PAK5: variants seen among roughly 807,000 people sequenced by gnomAD.
PAK5 encodes p21 (RAC1) activated kinase 5.
A neutral mutation model predicts 65.9 loss-of-function variants in PAK5; 16 were observed. That is an observed-to-expected ratio of 0.24 (90% CI 0.16 to 0.37). The LOEUF (loss-of-function observed/expected upper bound fraction) is 0.37, where lower values mean the gene tolerates loss of function less well. Among genes scored for constraint, PAK5 ranks in the 10% least tolerant of loss-of-function variants. The pLI is 1.00. For missense variants in PAK5, 785 were observed against 903.9 expected (o/e 0.87, Z 1.69); for synonymous variants, 371 against 354.9 (o/e 1.05, Z -0.51).
chr20:9,808,760 G>A (rs1278189222), intron 1 of PAK5, among the ~76,000 whole-genome samples: 1 of 152,134 alleles, frequency 6.6e-6, no homozygotes, highest in Non-Finnish European at 1.5e-5. Flanking sequence ...GCTTTCTAGT[G>A]GTGACTGAGT....
intron 2 of PAK5, among the ~76,000 whole-genome samples, chr20:9,702,014 G>T (rs911423792): frequency 6.6e-6 from 1 of 151,996 alleles, no homozygotes; most frequent in Non-Finnish European, 1.5e-5. Context: ...AATTTAAAAA[G>T]AAGTAATAAG....
At position 9,702,634 on chromosome 20, in the gene PAK5, G is replaced by A. The variant is rs921074074; in HGVS notation, c.-12+8652C>T. Among the ~76,000 whole-genome samples the A allele has an allele frequency of 5.3e-5, 8 of 152,258 alleles. No individual in the cohort carries two copies. In the South Asian group the frequency reaches 1.0e-3, roughly 20 times the overall value. On this transcript the variant is annotated intron_variant, in intron 2 of 9. Coordinates refer to ENST00000353224, the MANE Select transcript of PAK5 (RefSeq NM_177990.4). ...TATAAAGGGCCCGTGATATTCCATG[G>A]TTTATAACCCTTCAGTTGTTCTCCC...
intron 2 of PAK5, among the ~76,000 whole-genome samples, chr20:9,668,306 G>A (rs2047447401): frequency 6.6e-6 from 1 of 152,102 alleles, no homozygotes; most frequent in Non-Finnish European, 1.5e-5. Flanking sequence ...AGGAAATTTT[G>A]AGCCTAATGG....
chr20:9,814,004 G>T (rs1251342308), intron 1 of PAK5, among the ~76,000 whole-genome samples: 1 of 152,138 alleles, frequency 6.6e-6, no homozygotes, highest in Non-Finnish European at 1.5e-5. Flanking sequence ...TAGGATGAAT[G>T]TCAGAAACAC....
intron 1 of PAK5, among the ~76,000 whole-genome samples, chr20:9,752,675 A>G (rs562107266): frequency 6.6e-6 from 1 of 152,274 alleles, no homozygotes; most frequent in East Asian, 1.9e-4. Flanking sequence ...AGGAAATTGA[A>G]TGATAAAATA....
In PAK5 at chr20:9,645,378, C is replaced by G. The variant is rs138507937; in HGVS notation, c.-11-1039G>C. Among the ~76,000 whole-genome samples, 579 of 152,336 alleles carry G rather than the reference C, an allele frequency of 3.8e-3. 9 individuals carry two copies. Among genetic ancestry groups the G allele is most frequent in the African/African-American group, 0.013 (558 of 41,586 alleles). ...AAGGTAACCTGGGTTTGCATCCCAG[C>G]TAGGTCACCTATTCACTGTGATCCC... On this transcript the variant is annotated intron_variant, in intron 2 of 9. Coordinates refer to ENST00000353224, the MANE Select transcript of PAK5 (RefSeq NM_177990.4).
intron 3 of PAK5, among the ~76,000 whole-genome samples, chr20:9,618,939 T>TTC (rs2046720294): frequency 7.9e-6 from 1 of 126,044 alleles, no homozygotes; most frequent in Admixed American, 8.1e-5. Context: ...TTTTTTTTTT[T>TTC]TTTTTTTTTT....
intron 7 of PAK5, among the ~76,000 whole-genome samples, chr20:9,552,226 C>G (rs2045439313): frequency 6.6e-6 from 1 of 152,198 alleles, no homozygotes; most frequent in South Asian, 2.1e-4. Flanking sequence ...TGTCTCTTTT[C>G]CATAAACTTA....
chr20:9,697,456 T>C (rs1011924246), intron 2 of PAK5, among the ~76,000 whole-genome samples: 1 of 152,120 alleles, frequency 6.6e-6, no homozygotes, highest in African/African-American at 2.4e-5. Flanking sequence ...ACCAGTCTTC[T>C]AGACCCAGTT....
intron 5 of PAK5, 72 bp from the exon 6 acceptor site, chr20:9,563,096 A>G: frequency 7.4e-7 from 1 of 1,357,266 alleles, no homozygotes. Context: ...GGCCACAACT[A>G]CAATTGTAAG....
chr20:9,711,716 T>C (rs2044912413), intron 1 of PAK5, among the ~76,000 whole-genome samples: 1 of 152,180 alleles, frequency 6.6e-6, no homozygotes, highest in South Asian at 2.1e-4. Flanking sequence ...CTCCAATAGA[T>C]GGTGAACCTT....
intron 1 of PAK5, among the ~76,000 whole-genome samples, chr20:9,769,599 A>G (rs1413394168): frequency 2.6e-5 from 4 of 152,240 alleles, no homozygotes; most frequent in Admixed American, 6.5e-5. Flanking sequence ...CAAACTAAAG[A>G]GATTTAAAAG....
chr20:9,760,234 A>G (rs1474689673), intron 1 of PAK5, among the ~76,000 whole-genome samples: 3 of 152,194 alleles, frequency 2.0e-5, no homozygotes, highest in East Asian at 1.9e-4. Flanking sequence ...AGAAACTTAA[A>G]AAGCTCATTC....
At chr20:9,746,070 T>A (rs1392833451) in intron 1 of PAK5, among the ~76,000 whole-genome samples, 2 of 152,134 alleles carry the variant, frequency 1.3e-5, no homozygotes, top group Non-Finnish European at 2.9e-5. Context: ...TCATCTCCCA[T>A]ACAGAGAATA....
chr20:9,540,905 T>G (rs975406598), intron 9 of PAK5, among the ~76,000 whole-genome samples: 15 of 152,146 alleles, frequency 9.9e-5, no homozygotes, highest in African/African-American at 3.6e-4. Context: ...CTTGGCTAAT[T>G]TTTTGTATTT....
intron 1 of PAK5, among the ~76,000 whole-genome samples, chr20:9,764,545 C>T (rs1053878058): frequency 6.6e-6 from 1 of 152,118 alleles, no homozygotes; most frequent in Non-Finnish European, 1.5e-5. Context: ...GTGGTTTTAG[C>T]GTCTGTTGAT....
chr20:9,670,647 G>A (rs2047483691), intron 2 of PAK5, among the ~76,000 whole-genome samples: 1 of 152,100 alleles, frequency 6.6e-6, no homozygotes. Flanking sequence ...AAATTTGTTT[G>A]CGTTCATTGT....
intron 2 of PAK5, among the ~76,000 whole-genome samples, chr20:9,669,629 C>G (rs1277249974): frequency 6.6e-6 from 1 of 152,044 alleles, no homozygotes; most frequent in African/African-American, 2.4e-5. Context: ...GCATCTCTGC[C>G]TTGGTTTGGG....
chr20:9,704,011 G>A (rs1047937641), intron 2 of PAK5, among the ~76,000 whole-genome samples: 1 of 152,124 alleles, frequency 6.6e-6, no homozygotes, highest in Non-Finnish European at 1.5e-5. Context: ...GAAAAAGAAG[G>A]ATGACGCCTG....
Sources: gnomAD v4.1 joint callset for allele counts (sites outside exome capture counted in the v4.1 genomes callset) on GRCh38, gnomAD v4.1.1 for gene constraint, MANE v1.5 for transcripts, NCBI Gene and HGNC (gene_info 2026-07-23, HGNC 2026-07-21) for gene names.